Variants in ABCD4 observed in about 807,000 individuals in gnomAD.
ABCD4 encodes the protein lysosomal cobalamin transporter ABCD4.
In ABCD4, 53 loss-of-function variants were observed where a neutral mutation model predicts 86.3. The ratio of observed to expected loss-of-function variants is 0.61; its 90% CI spans 0.49 to 0.77. ABCD4 has a LOEUF of 0.77. Among genes scored for constraint, ABCD4 ranks in the 30% least tolerant of loss-of-function variants. ABCD4 has a pLI of 0.00. For missense variants in ABCD4, 757 were observed against 764.5 expected (o/e 0.99, Z 0.12); for synonymous variants, 328 against 313.6 (o/e 1.05, Z -0.49).
intron 17 of ABCD4, 72 bp from the exon 18 acceptor site, chr14:74,286,888 T>C (rs765009648): frequency 1.4e-6 from 2 of 1,422,378 alleles, no homozygotes; most frequent in Non-Finnish European, 1.9e-6. Flanking sequence ...CTCCCACCCA[T>C]ACTCAACCCC....
In ABCD4 at chr14:74,290,104, G is replaced by A. The variant is rs1002264971; in HGVS notation, c.1342C>T (p.Leu448=). 1.2e-6 allele frequency: 2 copies of A among 1,614,182 alleles called. No homozygotes were observed. Among genetic ancestry groups the A allele is most frequent in the Non-Finnish European group, 1.7e-6 (2 of 1,180,030 alleles). The change falls in exon 13 of 19, where the codon CTG becomes TTG. Residue 448 remains leucine, a synonymous_variant. Transcript: ENST00000356924. ...ACCCCATGGGGCCCAAAGTCCGTCAGCATCTGCACTGAGCCTGCAGAGCCC... is the reference window on the plus strand; with the variant it reads ...ACCCCATGGGGCCCAAAGTCCGTCAACATCTGCACTGAGCCTGCAGAGCCC... ...WTSTRGSVQM[L]TDFGPHGVLF...
rs2079544538 is a variant in ABCD4, at chr14:74,285,270, T to C, written c.*1191A>G. ...ATATTTTACAGTGAGAAAATACAAT[T>C]CTCACTCCATCTTTCTGATTTTATT... On this transcript the variant is annotated 3_prime_UTR_variant, in exon 19 of 19. Transcript: ENST00000356924. 6.6e-6 allele frequency among the ~76,000 whole-genome samples: 1 copy of C among 152,168 alleles called. No homozygotes were observed. The highest frequency in any genetic ancestry group is 1.5e-5 in the Non-Finnish European group (1 of 68,036).
At chr14:74,291,427 G>A (rs376253054) in intron 11 of ABCD4, among the ~76,000 whole-genome samples, 4 of 152,118 alleles carry the variant, frequency 2.6e-5, no homozygotes, top group African/African-American at 4.8e-5. Flanking sequence ...GTTGCAGAGC[G>A]GTATTCAACA....
chr14:74,296,683 A>G (rs752917177), intron 4 of ABCD4: 98 of 504,000 alleles, frequency 1.9e-4, no homozygotes, highest in Admixed American at 6.7e-5. Context: ...AATCCCCTGA[A>G]AAAGTGGGAA....
At chr14:74,294,755 A>G (rs61486287) in intron 7 of ABCD4, 10,327 of 186,842 alleles carry the variant, frequency 0.055, 1,125 homozygotes, top group African/African-American at 0.23. Flanking sequence ...AGAAGCTCCC[A>G]TTCCATCCCA....
At chr14:74,295,653 C>T (rs1441361641) in intron 6 of ABCD4, 9 of 645,528 alleles carry the variant, frequency 1.4e-5, no homozygotes, top group Non-Finnish European at 2.0e-5. Context: ...TTCATTAATC[C>T]TCCTAATCCT....
Position 74,302,892 on chromosome 14 carries a change from C to T in ABCD4, c.21G>A (p.Ala7=), listed in dbSNP as rs775274648. The change falls in exon 1 of 19, where the codon GCG becomes GCA. Residue 7 remains alanine (A), a synonymous_variant. Coordinates refer to ENST00000356924, the MANE Select transcript of ABCD4 (RefSeq NM_005050.4). MAVAGP[A]PGAGARPRLD... is the part of the protein sequence containing the mutation. ...CTGCTTACCTGGCGCCAGCTCCGGG[C>T]GCGGGCCCCGCGACCGCCATGACCT... is the stretch of plus-strand genomic sequence containing the variant. The T allele has an allele frequency of 2.5e-6, 4 of 1,606,662 alleles. No homozygotes were observed. The highest frequency in any genetic ancestry group is 2.2e-5 in the South Asian group (2 of 89,942).
intron 2 of ABCD4, 101 bp from the exon 3 acceptor site, chr14:74,299,776 A>G (rs2083840516): frequency 1.6e-6 from 2 of 1,282,288 alleles, no homozygotes; most frequent in Non-Finnish European, 2.2e-6. Context: ...AAGAGATGAA[A>G]AGGGGCCGGG....
chr14:74,302,932 T>C lies in ABCD4; in HGVS notation c.-20A>G, dbSNP rs1313073026. ...CGCCATGACCTGAGACCCGAGGGAC[T>C]CTGGAGCCCAGCTGCCCCTAGTTCA... On this transcript the variant is annotated 5_prime_UTR_variant, in exon 1 of 19. Transcript: ENST00000356924. The C allele has an allele frequency of 6.2e-7, 1 of 1,606,462 alleles. No homozygotes were observed.
At chr14:74,288,149 T>C in intron 16 of ABCD4, 58 bp downstream of exon 16, 2 of 1,581,006 alleles carry the variant, frequency 1.3e-6, no homozygotes, top group East Asian at 2.2e-5. Flanking sequence ...ACAGGGACCC[T>C]GAAACCCACT....
chr14:74,302,841 GC>G, intron 1 of ABCD4, 33 bp downstream of exon 1: 1 of 1,601,612 alleles, frequency 6.2e-7, no homozygotes. Flanking sequence ...CGGAACTCCT[GC>G]TCCCAAACCT....
rs367709858 is a variant in ABCD4, at chr14:74,292,553, G to T, written c.1026C>A (p.His342Gln). Residue 342 changes from histidine to glutamine, a missense_variant and splice_region_variant, in exon 10 of 19, where the codon CAC (histidine) becomes CAA (glutamine). Transcript: ENST00000356924. ...AGAGGGGTGGGACACGGCCTCACCTGTGCGTGTAGCCAGCCACATCTGAGA... is the reference window on the plus strand; with the variant it reads ...AGAGGGGTGGGACACGGCCTCACCTTTGCGTGTAGCCAGCCACATCTGAGA... ...TTLSDVAGYT[H>Q]RIGQLRETLL... 1.2e-6 allele frequency: 2 copies of T among 1,613,942 alleles called. No homozygotes were observed.
rs775984530 is a variant in ABCD4 at position 74,292,276 on chromosome 14, C to G, written c.1118+11G>C. The G allele has an allele frequency of 2.5e-6, 4 of 1,613,718 alleles. No homozygotes were observed. In the Admixed American group the frequency reaches 6.7e-5, roughly 27 times the overall value. On this transcript the variant is annotated intron_variant, in intron 11 of 18. Transcript: ENST00000356924. ...CAGCCTCAACTACTGCTCTGCCAGCCCGCTACTCACGTGTCCAAGCCCCAC... is the reference window on the plus strand; with the variant it reads ...CAGCCTCAACTACTGCTCTGCCAGCGCGCTACTCACGTGTCCAAGCCCCAC...
chr14:74,286,424 C>A lies in ABCD4; in HGVS notation c.*37G>T. 1.2e-6 allele frequency: 2 copies of A among 1,611,306 alleles called. No homozygotes were observed. The highest frequency in any genetic ancestry group is 1.7e-6 in the Non-Finnish European group (2 of 1,177,672). ...CTGGTCTCTCCTGAGGGCCGCCGAC[C>A]CGCCACAGTGTGGCTCTCCTTCCAA... On this transcript the variant is annotated 3_prime_UTR_variant, in exon 19 of 19. Coordinates refer to ENST00000356924, the MANE Select transcript of ABCD4 (RefSeq NM_005050.4).
rs376601209 is a variant in ABCD4, at chr14:74,292,662, G to A, written c.937-20C>T. The A allele has an allele frequency of 6.2e-7, 1 of 1,614,068 alleles. No homozygotes were observed. Among genetic ancestry groups the A allele is most frequent in the Non-Finnish European group, 8.5e-7 (1 of 1,179,986 alleles). On this transcript the variant is annotated intron_variant, in intron 9 of 18. Coordinates refer to ENST00000356924, the MANE Select transcript of ABCD4 (RefSeq NM_005050.4). ...GGCATTCTGGACAGGATGGGAAGAG[G>A]TCAAGCAGGTCTCGACTCGAGCCCA...
intron 16 of ABCD4, 139 bp downstream of exon 16, chr14:74,288,067 AG>A: frequency 9.0e-7 from 1 of 1,113,222 alleles, no homozygotes; most frequent in Non-Finnish European, 1.3e-6. Flanking sequence ...TCTGTTCCCA[AG>A]GGCATAAACT....
At chr14:74,293,459 G>C (rs181841956) in intron 7 of ABCD4, 6 of 462,230 alleles carry the variant, frequency 1.3e-5, no homozygotes, top group Admixed American at 3.7e-5. Flanking sequence ...GAGTTGGGCA[G>C]ACCTAGTTCA....
chr14:74,290,804 C>A (rs1566943137), intron 11 of ABCD4, among the ~76,000 whole-genome samples: 1 of 151,366 alleles, frequency 6.6e-6, no homozygotes, highest in African/African-American at 2.4e-5. Context: ...CCTGTCCCAG[C>A]CTCCTGAGTA....
intron 17 of ABCD4, among the ~76,000 whole-genome samples, 165 bp from the exon 18 acceptor site, chr14:74,286,981 G>A (rs1467145063): frequency 2.6e-5 from 4 of 152,188 alleles, no homozygotes; most frequent in Non-Finnish European, 5.9e-5. Context: ...GAGGAGCAGA[G>A]GGCCAGACTC....
Sources: gnomAD v4.1 joint callset for allele counts (sites outside exome capture counted in the v4.1 genomes callset) on GRCh38, gnomAD v4.1.1 for gene constraint, MANE v1.5 for transcripts, NCBI Gene and HGNC (gene_info 2026-07-23, HGNC 2026-07-21) for gene names.